MICAL2: variants seen among roughly 807,000 people sequenced by gnomAD.
The protein encoded by MICAL2 is [F-actin]-monooxygenase MICAL2.
A neutral mutation model predicts 127.3 loss-of-function variants in MICAL2; 77 were observed. The observed-to-expected ratio is 0.60, with a 90% confidence interval of 0.50 to 0.73. The LOEUF is 0.73. MICAL2 is among the 30% of genes least tolerant of loss of function. MICAL2 has a pLI of 0.00. For synonymous variants in MICAL2, 570 were observed against 551.1 expected, an observed-to-expected ratio of 1.03 and a Z score of -0.48; for missense variants, 1,351 against 1,434.4, an observed-to-expected ratio of 0.94 and a Z score of 0.94.
At chr11:12,145,127 G>A in intron 2 of MICAL2, among the ~76,000 whole-genome samples, 1 of 116,202 alleles carries the variant, frequency 8.6e-6, no homozygotes, top group East Asian at 3.2e-4. Context: ...CCTAAGAACT[G>A]TCCAGCTGGG....
chr11:12,175,803 G>T (rs952775136), intron 3 of MICAL2, among the ~76,000 whole-genome samples: 2 of 152,150 alleles, frequency 1.3e-5, no homozygotes, highest in African/African-American at 4.8e-5. Flanking sequence ...AGGTACAGAG[G>T]TGCTGACGCA....
intron 2 of MICAL2, among the ~76,000 whole-genome samples, chr11:12,154,521 T>C (rs1269836861): frequency 6.6e-6 from 1 of 152,178 alleles, no homozygotes. Flanking sequence ...AACAGCTATC[T>C]GAAATGCGAT....
At chr11:12,204,818 G>A (rs569815774) in intron 4 of MICAL2, among the ~76,000 whole-genome samples, 1 of 152,324 alleles carries the variant, frequency 6.6e-6, no homozygotes, top group South Asian at 2.1e-4. Flanking sequence ...CACCCTGATG[G>A]AGCGCATTAA....
At chr11:12,299,109 C>A (rs1864017515) in intron 29 of MICAL2, among the ~76,000 whole-genome samples, 1 of 152,152 alleles carries the variant, frequency 6.6e-6, no homozygotes, top group South Asian at 2.1e-4. Flanking sequence ...TGCCTTGGAA[C>A]AGAATGGGAA....
At chr11:12,251,969 G>A (rs1861615418) in intron 22 of MICAL2, among the ~76,000 whole-genome samples, 1 of 152,190 alleles carries the variant, frequency 6.6e-6, no homozygotes, top group Non-Finnish European at 1.5e-5. Context: ...AATTGTGCAT[G>A]GGTATCTTGG....
intron 32 of MICAL2, among the ~76,000 whole-genome samples, chr11:12,331,961 G>A (rs76862928): frequency 1.5e-3 from 232 of 152,192 alleles, no homozygotes; most frequent in African/African-American, 5.1e-3. Context: ...CTCCCTACAA[G>A]AGATTTAAGC....
chr11:12,307,860 G>A (rs1195967498), intron 29 of MICAL2, among the ~76,000 whole-genome samples: 1 of 151,980 alleles, frequency 6.6e-6, no homozygotes, highest in Non-Finnish European at 1.5e-5. Context: ...CTTGATTATT[G>A]CAGCTTTAGA....
At chr11:12,289,931 A>G (rs572746748), downstream of MICAL2, among the ~76,000 whole-genome samples, 2 of 152,322 alleles carry the variant, frequency 1.3e-5, no homozygotes, top group East Asian at 3.9e-4. Context: ...TGCACCAGAC[A>G]GCCCACTTTT....
intron 3 of MICAL2, among the ~76,000 whole-genome samples, chr11:12,203,729 A>T (rs1854314891): frequency 6.6e-6 from 1 of 152,180 alleles, no homozygotes; most frequent in Admixed American, 6.5e-5. Flanking sequence ...CACTTTCTTC[A>T]TGGTGGTCTT....
chr11:12,231,176 T>G (rs1473486820), intron 15 of MICAL2, among the ~76,000 whole-genome samples: 1 of 152,266 alleles, frequency 6.6e-6, no homozygotes, highest in Admixed American at 6.5e-5. Flanking sequence ...TGGTGACACC[T>G]GTACTTATGG....
downstream of MICAL2, chr11:12,294,375 G>A (rs765404851): frequency 2.3e-5 from 37 of 1,614,020 alleles, no homozygotes; most frequent in African/African-American, 1.9e-4. Context: ...TTCAGCCTTC[G>A]GAAAACCAAT....
intron 30 of MICAL2, chr11:12,323,941 TC>T (rs2134847237): frequency 6.3e-7 from 1 of 1,581,624 alleles, no homozygotes; most frequent in Non-Finnish European, 8.6e-7. Context: ...ACCCCATTTT[TC>T]TCTGACATAA....
intron 18 of MICAL2, among the ~76,000 whole-genome samples, chr11:12,241,867 C>T (rs1015642505): frequency 1.3e-4 from 19 of 151,872 alleles, no homozygotes; most frequent in African/African-American, 4.6e-4. Context: ...TGTCTCATGC[C>T]CAGTCCAGAG....
intron 2 of MICAL2, among the ~76,000 whole-genome samples, chr11:12,284,497 G>A (rs1196345378): frequency 6.6e-6 from 1 of 152,040 alleles, no homozygotes; most frequent in Admixed American, 6.6e-5. Flanking sequence ...GTAAAAATGT[G>A]TGCATGTGTG....
At position 12,128,582 on chromosome 11, in the gene MICAL2, A is replaced by T. The variant is rs150649720; in HGVS notation, c.-148-9808A>T. 2.3e-3 allele frequency among the ~76,000 whole-genome samples: 345 copies of T among 152,354 alleles called. 3 individuals are homozygous for T. The highest frequency in any genetic ancestry group is 7.7e-3 in the African/African-American group (321 of 41,584). On this transcript the variant is annotated intron_variant, in intron 1 of 27. Coordinates refer to ENST00000683283, the MANE Select transcript of MICAL2 (RefSeq NM_001282663.2). ...GTGCAGGGAGAGCAGAGGCATGGCC[A>T]ATTTCCAGGACAGATCGGGGCAGTG...
At chr11:12,288,084 G>A (rs996017484), downstream of MICAL2, among the ~76,000 whole-genome samples, 2 of 152,202 alleles carry the variant, frequency 1.3e-5, no homozygotes, top group African/African-American at 4.8e-5. Flanking sequence ...ACGCACCACC[G>A]TCACACCAGG....
chr11:12,345,975 C>G (rs1482485301), intron 32 of MICAL2, among the ~76,000 whole-genome samples: 6 of 152,188 alleles, frequency 3.9e-5, no homozygotes, highest in African/African-American at 7.2e-5. Context: ...GAGACGTGTC[C>G]TCAAATATCT....
intron 33 of MICAL2, chr11:12,350,054 A>G (rs928419329): frequency 3.0e-6 from 2 of 666,080 alleles, no homozygotes; most frequent in African/African-American, 1.8e-5. Flanking sequence ...CAGAATAGTG[A>G]TTGAGGCAAA....
At chr11:12,309,224 C>T (rs1225899652) in intron 29 of MICAL2, among the ~76,000 whole-genome samples, 1 of 152,120 alleles carries the variant, frequency 6.6e-6, no homozygotes, top group Non-Finnish European at 1.5e-5. Context: ...TTGAAATTTA[C>T]TATAAATCAT....
Sources: allele counts gnomAD v4.1 joint callset (sites outside exome capture counted in the v4.1 genomes callset), GRCh38; gene constraint gnomAD v4.1.1; transcripts MANE v1.5; gene names NCBI Gene and HGNC (gene_info 2026-07-23, HGNC 2026-07-21).